The following LRRC4C variants were observed in gnomAD, a reference collection of about 807,000 sequenced individuals.
LRRC4C encodes the protein leucine rich repeat containing 4C.
Under a neutral mutation model 33.6 loss-of-function variants are expected in LRRC4C, and 5 were observed. That is an observed-to-expected ratio of 0.15 (90% CI 0.08 to 0.31). The LOEUF (loss-of-function observed/expected upper bound fraction) is 0.31, where lower values mean the gene tolerates loss of function less well. LRRC4C is among the 10% of genes least tolerant of loss of function. LRRC4C has a pLI of 1.00. For missense variants in LRRC4C, 560 were observed against 796.7 expected (o/e 0.70, Z 3.58); for synonymous variants, 329 against 302.0 (o/e 1.09, Z -0.93).
chr11:40,979,647 G>A (rs370595267), intron 1 of LRRC4C, among the ~76,000 whole-genome samples: 1 of 152,190 alleles, frequency 6.6e-6, no homozygotes, highest in Admixed American at 6.5e-5. Flanking sequence ...TCAGCATTTA[G>A]TAATGGTAAA....
chr11:40,300,415 A>G (rs1009256215), intron 4 of LRRC4C, among the ~76,000 whole-genome samples: 7 of 152,240 alleles, frequency 4.6e-5, no homozygotes, highest in Non-Finnish European at 5.9e-5. Context: ...AACGCATTCT[A>G]AGAAAAAATA....
chr11:40,653,989 G>C (rs533386610), intron 2 of LRRC4C, among the ~76,000 whole-genome samples: 6 of 152,320 alleles, frequency 3.9e-5, no homozygotes, highest in East Asian at 1.9e-4. Context: ...CAGGCCCCAA[G>C]ACTTGTCAGC....
chr11:40,235,155 T>A (rs2136043694), intron 5 of LRRC4C, among the ~76,000 whole-genome samples: 1 of 152,356 alleles, frequency 6.6e-6, no homozygotes, highest in Admixed American at 6.5e-5. Context: ...CATTTAGAAA[T>A]CATTTAACTA....
chr11:40,485,975 A>G (rs1046442379), intron 3 of LRRC4C, among the ~76,000 whole-genome samples: 1 of 151,996 alleles, frequency 6.6e-6, no homozygotes, highest in African/African-American at 2.4e-5. Context: ...AGTGAACAAC[A>G]CACACCGAGG....
At chr11:40,561,602 C>T (rs907861607) in intron 3 of LRRC4C, among the ~76,000 whole-genome samples, 2 of 151,406 alleles carry the variant, frequency 1.3e-5, no homozygotes, top group Non-Finnish European at 2.9e-5. Flanking sequence ...TTAGTAGAGA[C>T]GGGGTTTCGT....
intron 4 of LRRC4C, among the ~76,000 whole-genome samples, chr11:40,275,991 A>G (rs888719534): frequency 3.9e-5 from 6 of 152,168 alleles, no homozygotes; most frequent in Non-Finnish European, 7.4e-5. Flanking sequence ...TTGGAAATGA[A>G]AATCAATATG....
At chr11:41,142,019 A>G (rs1943528325) in intron 1 of LRRC4C, among the ~76,000 whole-genome samples, 1 of 152,192 alleles carries the variant, frequency 6.6e-6, no homozygotes, top group African/African-American at 2.4e-5. Flanking sequence ...ATTCAATCAC[A>G]AATTGTAGAC....
intron 3 of LRRC4C, among the ~76,000 whole-genome samples, chr11:40,631,184 G>A (rs989727493): frequency 1.3e-5 from 2 of 152,162 alleles, no homozygotes. Flanking sequence ...AATCTCTTCT[G>A]CCTATTTGAA....
At chr11:41,252,707 T>C (rs547854356) in intron 1 of LRRC4C, among the ~76,000 whole-genome samples, 3 of 152,218 alleles carry the variant, frequency 2.0e-5, no homozygotes, top group Non-Finnish European at 4.4e-5. Context: ...GGGTAATTTA[T>C]AAAGGAAAGA....
intron 2 of LRRC4C, among the ~76,000 whole-genome samples, chr11:40,773,100 C>A (rs965258897): frequency 2.0e-5 from 3 of 152,014 alleles, no homozygotes; most frequent in African/African-American, 7.3e-5. Context: ...AAGCCAGGCA[C>A]AGAAAGACAA....
chr11:40,901,701 A>G (rs1956207586), intron 2 of LRRC4C, among the ~76,000 whole-genome samples: 1 of 152,088 alleles, frequency 6.6e-6, no homozygotes, highest in Non-Finnish European at 1.5e-5. Flanking sequence ...ATAGGAAGCA[A>G]TACAATTCTG....
intron 5 of LRRC4C, among the ~76,000 whole-genome samples, chr11:40,159,452 G>T (rs566117472): frequency 7.9e-5 from 12 of 152,270 alleles, no homozygotes; most frequent in African/African-American, 2.9e-4. Context: ...GGCCAGCTGT[G>T]TGGGACCCAC....
At chr11:41,322,685 C>T (rs1950993808) in intron 1 of LRRC4C, among the ~76,000 whole-genome samples, 1 of 152,132 alleles carries the variant, frequency 6.6e-6, no homozygotes, top group African/African-American at 2.4e-5. Context: ...CACCCTCTGC[C>T]AAATCTCAGT....
chr11:41,434,060 C>T (rs1222590559), intron 1 of LRRC4C, among the ~76,000 whole-genome samples: 2 of 152,006 alleles, frequency 1.3e-5, no homozygotes, highest in Non-Finnish European at 2.9e-5. Context: ...CATTCAAGTC[C>T]ACTTCCATCA....
chr11:40,859,041 C>A (rs11036103), intron 2 of LRRC4C, among the ~76,000 whole-genome samples: 98,676 of 152,084 alleles, frequency 0.65, 37,077 homozygotes, highest in East Asian at 0.85. Context: ...CAAAGGCACC[C>A]AAAGCTAAGA....
intron 1 of LRRC4C, among the ~76,000 whole-genome samples, chr11:41,132,398 A>G (rs902274261): frequency 2.7e-4 from 41 of 152,128 alleles, no homozygotes; most frequent in African/African-American, 9.6e-4. Context: ...AAAACTTTTA[A>G]GTTATTAAAT....
intron 1 of LRRC4C, among the ~76,000 whole-genome samples, chr11:41,214,511 C>T (rs971898963): frequency 1.4e-5 from 2 of 143,368 alleles, no homozygotes. Flanking sequence ...GCGGGTGGAT[C>T]ACGAGGTCAG....
At chr11:40,233,209 A>C (rs1482164200) in intron 5 of LRRC4C, among the ~76,000 whole-genome samples, 1 of 152,144 alleles carries the variant, frequency 6.6e-6, no homozygotes, top group African/African-American at 2.4e-5. Flanking sequence ...CCACTTAACA[A>C]TCAATTCCTT....
At chr11:40,373,862 G>A (rs780971366) in intron 3 of LRRC4C, among the ~76,000 whole-genome samples, 3 of 152,172 alleles carry the variant, frequency 2.0e-5, no homozygotes, top group Non-Finnish European at 4.4e-5. Flanking sequence ...CAGAAGCAAA[G>A]CGTACTCTGG....
Sources: allele counts gnomAD v4.1 joint callset (sites outside exome capture counted in the v4.1 genomes callset), GRCh38; gene constraint gnomAD v4.1.1; transcripts MANE v1.5; gene names NCBI Gene and HGNC (gene_info 2026-07-23, HGNC 2026-07-21).